Variants in NTN1 observed in about 807,000 individuals in gnomAD.
NTN1 encodes the protein netrin 1, also known as netrin-1.
Under a neutral mutation model 54.2 loss-of-function variants are expected in NTN1, and 11 were observed. That is an observed-to-expected ratio of 0.20 (90% CI 0.13 to 0.34). NTN1 has a LOEUF of 0.34. NTN1 is among the 10% of genes least tolerant of loss of function. The pLI is 1.00. For synonymous variants in NTN1, 371 were observed against 382.0 expected (o/e 0.97, Z 0.33); for missense variants, 740 against 893.1 (o/e 0.83, Z 2.18).
At chr17:9,177,768 T>G (rs910885152) in intron 3 of NTN1, 2 of 152,256 alleles carry the variant, frequency 1.3e-5, no homozygotes, top group South Asian at 2.1e-4. Flanking sequence ...CAGCCTCCCC[T>G]CCTCGCCGCC....
chr17:9,079,775 CT>C (rs759610264), intron 2 of NTN1, among the ~76,000 whole-genome samples: 67 of 109,468 alleles, frequency 6.1e-4, no homozygotes, highest in Non-Finnish European at 1.2e-3. Context: ...CTGGTTCCCC[CT>C]GGTAAGTGGT....
intron 2 of NTN1, among the ~76,000 whole-genome samples, chr17:9,129,210 C>T (rs2092256328): frequency 6.6e-6 from 1 of 152,102 alleles, no homozygotes; most frequent in Non-Finnish European, 1.5e-5. Flanking sequence ...TAGAGGGGGT[C>T]TGCTGGGGAC....
chr17:9,130,981 T>G (rs1172023898), intron 2 of NTN1, among the ~76,000 whole-genome samples: 2 of 152,214 alleles, frequency 1.3e-5, no homozygotes, highest in African/African-American at 4.8e-5. Flanking sequence ...AAGTCTGGGT[T>G]GTGTACACCC....
intron 2 of NTN1, among the ~76,000 whole-genome samples, chr17:9,071,900 G>A (rs2092033163): frequency 6.6e-6 from 1 of 152,230 alleles, no homozygotes; most frequent in Non-Finnish European, 1.5e-5. Context: ...CCAGGTGATG[G>A]GGGTGTGAGA....
chr17:9,007,356 TCTC>T, the NTN1 span, among the ~76,000 whole-genome samples: 2 of 150,824 alleles, frequency 1.3e-5, no homozygotes, highest in African/African-American at 4.9e-5. Flanking sequence ...TCTTTCTCTC[TCTC>T]TTTTCTTTCT....
intron 5 of NTN1, among the ~76,000 whole-genome samples, chr17:9,185,218 G>A (rs983195594): frequency 1.4e-4 from 22 of 152,096 alleles, no homozygotes; most frequent in African/African-American, 5.1e-4. Context: ...GTGCTGGACC[G>A]TGGGGCCTCC....
At chr17:9,026,746 C>T (rs1410567914) in intron 2 of NTN1, among the ~76,000 whole-genome samples, 7 of 148,020 alleles carry the variant, frequency 4.7e-5, no homozygotes, top group African/African-American at 1.0e-4. Flanking sequence ...CCCCTGACGT[C>T]GGAGCTGTGT....
chr17:9,211,783 G>A lies in NTN1; in HGVS notation c.1412-9385G>A, dbSNP rs1472913542. 6.6e-6 allele frequency among the ~76,000 whole-genome samples: 1 copy of A among 152,196 alleles called. No individual in the cohort carries two copies. Among genetic ancestry groups the A allele is most frequent in the Non-Finnish European group, 1.5e-5 (1 of 68,038 alleles). ...ATGTTTTGTTTCTTTGATAATTTGAGATTGAACATGGGTGCATCTCTTTGT... is the reference window on the plus strand; with the variant it reads ...ATGTTTTGTTTCTTTGATAATTTGAAATTGAACATGGGTGCATCTCTTTGT... On this transcript the variant is annotated intron_variant, in intron 5 of 6. Coordinates refer to ENST00000173229, the MANE Select transcript of NTN1 (RefSeq NM_004822.3). The surrounding 1 kb of genome is among the most constrained non-coding windows in gnomAD (Gnocchi z 4.4).
At chr17:9,009,948 G>C in the NTN1 span, among the ~76,000 whole-genome samples, 1 of 152,220 alleles carries the variant, frequency 6.6e-6, no homozygotes, top group East Asian at 1.9e-4. Context: ...CTCGTAATCT[G>C]GGGAACTTTG....
intron 6 of NTN1, among the ~76,000 whole-genome samples, chr17:9,228,538 T>C (rs117616681): frequency 0.017 from 2,574 of 152,224 alleles, 37 homozygotes; most frequent in Middle Eastern, 0.041. Flanking sequence ...TCCTACTCCC[T>C]GGGACTCAGA....
In NTN1 at chr17:9,239,711, G is replaced by C. The variant is rs201393437; in HGVS notation, c.1558G>C (p.Val520Leu). ...GAAGTTCACGGTGAACATCATCTCC[G>C]TGTATAAGCAGGGCACGAGCCGCAT... Reference protein sequence around the residue: ...WWKFTVNIISVYKQGTSRIRR... With the variant: ...WWKFTVNIISLYKQGTSRIRR... Residue 520 changes from valine (V) to leucine (L), a missense_variant, in exon 7 of 7, where the codon GTG becomes CTG. Coordinates refer to ENST00000173229, the MANE Select transcript of NTN1 (RefSeq NM_004822.3). The surrounding 1 kb of genome is among the most constrained non-coding windows in gnomAD (Gnocchi z 5.2). 25 of 1,613,628 alleles carry C rather than the reference G, an allele frequency of 1.5e-5. No individual in the cohort carries two copies. The Admixed American group carries it at 4.0e-4, about 26-fold the overall frequency.
intron 5 of NTN1, among the ~76,000 whole-genome samples, chr17:9,197,568 G>T (rs887580874): frequency 1.3e-5 from 2 of 150,746 alleles, no homozygotes; most frequent in African/African-American, 4.9e-5. Context: ...GCTGAGGCAC[G>T]AGAAACACTT....
At chr17:9,078,269 C>T (rs1567704973) in intron 2 of NTN1, among the ~76,000 whole-genome samples, 1 of 152,178 alleles carries the variant, frequency 6.6e-6, no homozygotes, top group African/African-American at 2.4e-5. Flanking sequence ...TGGGGAGGCA[C>T]AGGTTGCTAT....
intron 2 of NTN1, among the ~76,000 whole-genome samples, chr17:9,152,081 G>A (rs963019708): frequency 6.6e-6 from 1 of 152,114 alleles, no homozygotes; most frequent in African/African-American, 2.4e-5. Flanking sequence ...CAATCCACTC[G>A]GGTCACCTTC....
intron 2 of NTN1, among the ~76,000 whole-genome samples, chr17:9,079,206 C>T (rs553448085): frequency 1.6e-3 from 240 of 152,256 alleles, no homozygotes; most frequent in African/African-American, 5.3e-3. Context: ...GTTGCTGTGC[C>T]AAGGGAGTAG....
rs746789471 is a variant in NTN1, at chr17:9,241,070, G to C, written c.*1102G>C. The C allele has an allele frequency of 6.6e-6, 1 of 152,422 alleles. No homozygotes were observed. Among genetic ancestry groups the C allele is most frequent in the African/African-American group, 2.4e-5 (1 of 41,462 alleles). 9.4% of individuals were successfully genotyped at this position (152,422 alleles called of 1,614,324 possible). Reference sequence around the variant, plus strand: ...GGGCTTGGAGTCTGCAGGCTGCGAAGGCACTTGGGCCTGGCTTGGGGCCGG... The same window carrying C: ...GGGCTTGGAGTCTGCAGGCTGCGAACGCACTTGGGCCTGGCTTGGGGCCGG... On this transcript the variant is annotated 3_prime_UTR_variant, in exon 7 of 7. Coordinates refer to ENST00000173229, the MANE Select transcript of NTN1 (RefSeq NM_004822.3).
intron 2 of NTN1, among the ~76,000 whole-genome samples, chr17:9,024,694 G>T (rs1427526517): frequency 6.6e-6 from 1 of 152,236 alleles, no homozygotes; most frequent in Non-Finnish European, 1.5e-5. Context: ...GCCCAGTCAG[G>T]CGTCCTGGTC....
intron 2 of NTN1, among the ~76,000 whole-genome samples, chr17:9,024,851 CAGAG>C (rs149693796): frequency 6.6e-6 from 1 of 151,680 alleles, no homozygotes; most frequent in Admixed American, 6.6e-5. Flanking sequence ...CAAGATTTCG[CAGAG>C]AGAGAGAGAG....
At chr17:9,054,610 A>C (rs1276523279) in intron 2 of NTN1, among the ~76,000 whole-genome samples, 2 of 152,240 alleles carry the variant, frequency 1.3e-5, no homozygotes, top group Non-Finnish European at 2.9e-5. Flanking sequence ...AGGGAGAGAA[A>C]TCATTCAGAA....
Sources: gnomAD v4.1 joint callset for allele counts (sites outside exome capture counted in the v4.1 genomes callset) on GRCh38, gnomAD v4.1.1 for gene constraint, Gnocchi (gnomAD v3.1) non-coding constraint, MANE v1.5 for transcripts, NCBI Gene and HGNC (gene_info 2026-07-23, HGNC 2026-07-21) for gene names.